Variants in TPD52 observed in about 807,000 individuals in gnomAD.
TPD52 encodes the protein tumor protein D52, also known as prostate and colon associated protein.
A neutral mutation model predicts 31.3 loss-of-function variants in TPD52; 17 were observed. That is an observed-to-expected ratio of 0.54 (90% CI 0.37 to 0.82). The LOEUF is 0.82. Among genes scored for constraint, TPD52 ranks in the 40% least tolerant of loss-of-function variants. TPD52 has a pLI of 0.00. For missense variants in TPD52, 212 were observed against 240.1 expected, an observed-to-expected ratio of 0.88 and a Z score of 0.77; for synonymous variants, 83 against 89.6, an observed-to-expected ratio of 0.93 and a Z score of 0.42.
At chr8:80,057,812 T>C (rs1812067851) in intron 2 of TPD52, among the ~76,000 whole-genome samples, 1 of 152,166 alleles carries the variant, frequency 6.6e-6, no homozygotes, top group Admixed American at 6.5e-5. Context: ...TAAAATTTTT[T>C]AAATAAAAAA....
At chr8:80,064,868 G>T in intron 1 of TPD52, 1 of 582,534 alleles carries the variant, frequency 1.7e-6, no homozygotes, top group South Asian at 1.5e-5. Context: ...TATAGTTATG[G>T]CAGAAGAGTG....
At chr8:80,043,856 GAGGTGGCGGGACAA>G (rs574918657) in intron 6 of TPD52, among the ~76,000 whole-genome samples, 21 of 152,350 alleles carry the variant, frequency 1.4e-4, no homozygotes, top group Non-Finnish European at 2.6e-4. Flanking sequence ...AATGCAGACA[GAGGTGGCGGGACAA>G]AAGAAGGTTT....
chr8:80,133,929 G>A (rs1426754227), intron 1 of TPD52, among the ~76,000 whole-genome samples: 1 of 152,150 alleles, frequency 6.6e-6, no homozygotes, highest in Non-Finnish European at 1.5e-5. Context: ...AGAATAAGAA[G>A]AAGATACAGA....
chr8:80,084,022 C>G (rs1168738873), intron 1 of TPD52, among the ~76,000 whole-genome samples: 1 of 152,228 alleles, frequency 6.6e-6, no homozygotes, highest in Non-Finnish European at 1.5e-5. Flanking sequence ...CCAACCGGTA[C>G]CACAGGCCTT....
intron 1 of TPD52, among the ~76,000 whole-genome samples, chr8:80,097,111 G>A (rs1236458248): frequency 6.9e-6 from 1 of 145,364 alleles, no homozygotes; most frequent in Non-Finnish European, 1.5e-5. Context: ...GACAAAGTTT[G>A]AATGCTCTGG....
intron 1 of TPD52, among the ~76,000 whole-genome samples, chr8:80,162,196 A>G (rs1027969178): frequency 6.6e-6 from 1 of 152,200 alleles, no homozygotes; most frequent in East Asian, 1.9e-4. Context: ...GAAGTACTGA[A>G]AGCCACAGAA....
intron 1 of TPD52, among the ~76,000 whole-genome samples, chr8:80,165,721 C>A (rs1811668425): frequency 6.6e-6 from 1 of 152,110 alleles, no homozygotes; most frequent in Admixed American, 6.5e-5. Context: ...TTTTTTTGAC[C>A]TAGTATATAA....
intron 1 of TPD52, among the ~76,000 whole-genome samples, chr8:80,160,819 G>A (rs2131252806): frequency 6.7e-6 from 1 of 149,554 alleles, no homozygotes; most frequent in South Asian, 2.1e-4. Flanking sequence ...CAAGGAGGGT[G>A]GATTGCCTGA....
At chr8:80,086,117 G>GGT (rs1815739095) in intron 1 of TPD52, among the ~76,000 whole-genome samples, 1 of 88,866 alleles carries the variant, frequency 1.1e-5, no homozygotes, top group African/African-American at 4.9e-5. Flanking sequence ...TTTTTTTTTA[G>GGT]TTTTTTTTTT....
chr8:80,111,162 C>T lies in TPD52; in HGVS notation c.20-46569G>A, dbSNP rs575415126. ...AAAAGTTCGAGGCTGCAGTGAGCTACGATATCATCACTGTACTCCAGCCTG... is the reference window on the plus strand; with the variant it reads ...AAAAGTTCGAGGCTGCAGTGAGCTATGATATCATCACTGTACTCCAGCCTG... On this transcript the variant is annotated intron_variant, in intron 1 of 7. Coordinates refer to ENST00000518937, the MANE Select transcript of TPD52 (RefSeq NM_001025253.3). Among the ~76,000 whole-genome samples, 59 of 152,244 alleles carry T rather than the reference C, an allele frequency of 3.9e-4. No individual in the cohort carries two copies. In the Middle Eastern group the frequency reaches 0.014, roughly 35 times the overall value.
intron 1 of TPD52, among the ~76,000 whole-genome samples, chr8:80,142,332 T>C (rs1416179538): frequency 6.6e-6 from 1 of 152,170 alleles, no homozygotes; most frequent in African/African-American, 2.4e-5. Flanking sequence ...TGGGAAGTGA[T>C]CCTGTTGGAC....
chr8:80,138,033 T>C (rs1360475396), intron 1 of TPD52, among the ~76,000 whole-genome samples: 8 of 151,976 alleles, frequency 5.3e-5, no homozygotes, highest in African/African-American at 1.7e-4. Flanking sequence ...CAACCTCGCC[T>C]CCCAGGTTCA....
chr8:80,045,433 G>A (rs1407768255), intron 5 of TPD52, among the ~76,000 whole-genome samples: 1 of 152,136 alleles, frequency 6.6e-6, no homozygotes, highest in Non-Finnish European at 1.5e-5. Context: ...CCTACAAATT[G>A]TTTGGAATGT....
At chr8:80,047,273 T>G (rs1158245037) in intron 5 of TPD52, among the ~76,000 whole-genome samples, 2 of 152,168 alleles carry the variant, frequency 1.3e-5, no homozygotes, top group Non-Finnish European at 2.9e-5. Context: ...ATGGCTCAGT[T>G]TCCTCATCTG....
chr8:80,041,014 G>A (rs1012253133), intron 7 of TPD52, among the ~76,000 whole-genome samples: 1 of 152,154 alleles, frequency 6.6e-6, no homozygotes, highest in African/African-American at 2.4e-5. Context: ...AGGACTGTGT[G>A]TGTACAGTGT....
At chr8:80,167,506 G>C (rs1019767290) in intron 1 of TPD52, among the ~76,000 whole-genome samples, 8 of 152,214 alleles carry the variant, frequency 5.3e-5, no homozygotes, top group African/African-American at 1.9e-4. Flanking sequence ...AGGAAGTGAA[G>C]AAGAGCTAAC....
At chr8:80,065,283 ATATATC>A (rs1277546421) in intron 1 of TPD52, among the ~76,000 whole-genome samples, 1 of 113,300 alleles carries the variant, frequency 8.8e-6, no homozygotes, top group Non-Finnish European at 1.8e-5. Context: ...ATCTATATCT[ATATATC>A]TATATCTATC....
intron 1 of TPD52, among the ~76,000 whole-genome samples, chr8:80,125,556 T>A (rs1306335031): frequency 1.3e-5 from 2 of 150,684 alleles, no homozygotes; most frequent in African/African-American, 4.9e-5. Context: ...AATTTGGCCT[T>A]TTGATTTAAA....
chr8:80,163,620 A>AT lies in TPD52; in HGVS notation c.19+7804dup, dbSNP rs1311548603. On this transcript the variant is annotated intron_variant, in intron 1 of 7. Transcript: ENST00000518937. ...ATTAAGATGGTAAATTTTGTTATGT[A>AT]TTTTTTTACCATGAGAAAAAGAGGG... Among the ~76,000 whole-genome samples, 8 of 152,214 alleles carry AT rather than the reference A, an allele frequency of 5.3e-5. No homozygotes were observed. In the Middle Eastern group the frequency reaches 0.01, roughly 194 times the overall value.
Sources: allele counts gnomAD v4.1 joint callset (sites outside exome capture counted in the v4.1 genomes callset), GRCh38; gene constraint gnomAD v4.1.1; transcripts MANE v1.5; gene names NCBI Gene and HGNC (gene_info 2026-07-23, HGNC 2026-07-21).